Variants in ETS1 observed in about 807,000 individuals in gnomAD.
ETS1 encodes protein C-ets-1.
ETS1 carries 15 observed loss-of-function variants against 58.6 expected under a neutral mutation model. The observed-to-expected ratio is 0.26, with a 90% CI of 0.17 to 0.39. The LOEUF (loss-of-function observed/expected upper bound fraction) is 0.39. Ranked by LOEUF, ETS1 falls within the 10% of genes least tolerant of loss-of-function variation. ETS1 has a pLI of 1.00. For missense variants in ETS1, 417 were observed against 610.5 expected, an observed-to-expected ratio of 0.68 and a Z score of 3.34; for synonymous variants, 214 against 218.2, an observed-to-expected ratio of 0.98 and a Z score of 0.17.
intron 2 of ETS1, among the ~76,000 whole-genome samples, chr11:128,570,896 G>A (rs541457235): frequency 2.6e-5 from 4 of 152,254 alleles, no homozygotes; most frequent in Non-Finnish European, 5.9e-5. Context: ...GTGTAGTGGA[G>A]TGTTGGGGAG....
At chr11:128,583,063 T>C (rs1565419827) in intron 1 of ETS1, among the ~76,000 whole-genome samples, 1 of 152,222 alleles carries the variant, frequency 6.6e-6, no homozygotes, top group Non-Finnish European at 1.5e-5. Context: ...TGCAGTCTGC[T>C]GCAGTAGGTC....
rs780471796 is a variant in ETS1 at position 128,522,046 on chromosome 11, T to G, written c.215-31470A>C. The G allele has an allele frequency of 3.3e-6, 5 of 1,518,994 alleles. No homozygotes were observed. The East Asian group carries it at 1.3e-4, about 39-fold the overall frequency. 94.1% of individuals were successfully genotyped at this position (1,518,994 alleles called of 1,614,324 possible). ...ATGGTAGCAAGTTTGCAGTTACTGT[T>G]GTTTTTCTTTTTAATGAGGATTAGT... is the stretch of plus-strand genomic sequence containing the variant. On this transcript the variant is annotated intron_variant, in intron 3 of 9. Transcript: ENST00000392668.
At position 128,484,984 on chromosome 11, in the gene ETS1, G is replaced by C. The variant is rs540929701; in HGVS notation, c.701C>G (p.Pro234Arg). The change falls in exon 7 of 10, where the codon CCC (proline) becomes CGC (arginine). Residue 234 changes from proline to arginine, a missense_variant. Coordinates refer to ENST00000392668, the MANE Select transcript of ETS1 (RefSeq NM_001143820.2). ...GGAGAGGAGCTCTTCCGAGCTGATGGGATGGAGCGTCTGATAGGACTCTGT... is the reference window on the plus strand; with the variant it reads ...GGAGAGGAGCTCTTCCGAGCTGATGCGATGGAGCGTCTGATAGGACTCTGT... Reference protein sequence around the residue: ...FITESYQTLHPISSEELLSLK... With the variant: ...FITESYQTLHRISSEELLSLK... The C allele has an allele frequency of 6.2e-7, 1 of 1,614,044 alleles. No homozygotes were observed. Among genetic ancestry groups the C allele is most frequent in the South Asian group, 1.1e-5 (1 of 91,082 alleles).
chr11:128,479,591 T>C (rs1862425560), intron 8 of ETS1, among the ~76,000 whole-genome samples: 1 of 152,204 alleles, frequency 6.6e-6, no homozygotes, highest in African/African-American at 2.4e-5. Flanking sequence ...TCTTCACCCA[T>C]CACTATCATA....
chr11:128,553,667 TCTTCCC>T lies in ETS1; in HGVS notation c.214+2618_214+2623del, dbSNP rs1864267005. 3.3e-5 allele frequency among the ~76,000 whole-genome samples: 5 copies of T among 151,984 alleles called. No individual in the cohort carries two copies. In the South Asian group the frequency reaches 1.0e-3, roughly 32 times the overall value. On this transcript the variant is annotated intron_variant, in intron 3 of 9. Transcript: ENST00000392668. ...CATACTTTCTCTCTGCTTGATTCTC[TCTTCCC>T]CTTCCCTCCACACTCCCGCCACCCT...
intron 6 of ETS1, among the ~76,000 whole-genome samples, chr11:128,485,412 T>A (rs533289530): frequency 6.6e-6 from 1 of 152,274 alleles, no homozygotes; most frequent in Admixed American, 6.5e-5. Context: ...TTAATATCAT[T>A]GTGTCACTGG....
intron 2 of ETS1, among the ~76,000 whole-genome samples, chr11:128,560,083 C>T (rs528567172): frequency 1.2e-4 from 18 of 152,304 alleles, no homozygotes; most frequent in Admixed American, 1.2e-3. Flanking sequence ...GTTCAGTGCC[C>T]CCTGGCACTC....
intron 8 of ETS1, among the ~76,000 whole-genome samples, chr11:128,474,348 A>T (rs1337101121): frequency 6.6e-6 from 1 of 152,224 alleles, no homozygotes; most frequent in African/African-American, 2.4e-5. Flanking sequence ...CCATGACAGA[A>T]ATAGGCAATC....
At chr11:128,574,473 C>T (rs1321442538) in intron 1 of ETS1, among the ~76,000 whole-genome samples, 1 of 152,158 alleles carries the variant, frequency 6.6e-6, no homozygotes, top group African/African-American at 2.4e-5. Flanking sequence ...CCAGGAAGAG[C>T]TCCTCATTGG....
chr11:128,508,466 C>T (rs1181985646), intron 3 of ETS1, among the ~76,000 whole-genome samples: 1 of 152,184 alleles, frequency 6.6e-6, no homozygotes, highest in Non-Finnish European at 1.5e-5. Flanking sequence ...CCTCAAAACT[C>T]TGCTCTTTCA....
chr11:128,577,915 CAAA>C (rs543543374), intron 1 of ETS1, among the ~76,000 whole-genome samples: 3 of 133,708 alleles, frequency 2.2e-5, no homozygotes, highest in African/African-American at 2.8e-5. Context: ...GCCAAAAAGC[CAAA>C]AAAAAAAAAA....
intron 3 of ETS1, among the ~76,000 whole-genome samples, chr11:128,512,176 G>A (rs1359434818): frequency 2.0e-5 from 3 of 152,308 alleles, no homozygotes; most frequent in East Asian, 3.9e-4. Flanking sequence ...TGGGCAAGTC[G>A]TTTAATCTCA....
chr11:128,485,212 T>C, intron 6 of ETS1, 141 bp from the exon 7 acceptor site: 1 of 710,660 alleles, frequency 1.4e-6, no homozygotes, highest in East Asian at 2.8e-5. Flanking sequence ...AAAGCTTGCA[T>C]TTTTAACCTT....
At chr11:128,512,247 T>C (rs1385116154) in intron 3 of ETS1, among the ~76,000 whole-genome samples, 4 of 152,198 alleles carry the variant, frequency 2.6e-5, no homozygotes, top group Non-Finnish European at 5.9e-5. Context: ...ATAATGAGGA[T>C]ACTGGCACAA....
At chr11:128,563,097 A>G (rs537814522) in intron 2 of ETS1, among the ~76,000 whole-genome samples, 22 of 152,208 alleles carry the variant, frequency 1.4e-4, no homozygotes, top group African/African-American at 5.1e-4. Flanking sequence ...TTCAATGTCC[A>G]CATGCGATGA....
chr11:128,504,451 T>A (rs1863176998), intron 3 of ETS1, among the ~76,000 whole-genome samples: 1 of 152,252 alleles, frequency 6.6e-6, no homozygotes, highest in African/African-American at 2.4e-5. Flanking sequence ...CTTGGAGGGA[T>A]GTTCTCTTTC....
At chr11:128,467,609 C>T (rs1365698078) in intron 8 of ETS1, among the ~76,000 whole-genome samples, 2 of 152,130 alleles carry the variant, frequency 1.3e-5, no homozygotes, top group African/African-American at 2.4e-5. Context: ...GTCTCAGTGA[C>T]CTTTGTCCCC....
chr11:128,576,317 T>A (rs569592799), intron 1 of ETS1, among the ~76,000 whole-genome samples: 5 of 152,334 alleles, frequency 3.3e-5, no homozygotes, highest in African/African-American at 1.2e-4. Flanking sequence ...TCAGAAGAAG[T>A]AAATGAAGTG....
At chr11:128,472,787 A>T (rs577338387) in intron 8 of ETS1, among the ~76,000 whole-genome samples, 1 of 152,090 alleles carries the variant, frequency 6.6e-6, no homozygotes, top group African/African-American at 2.4e-5. Flanking sequence ...TTTCTACCCA[A>T]ATCTCCTCCT....
Sources: gnomAD v4.1 joint callset for allele counts (sites outside exome capture counted in the v4.1 genomes callset) on GRCh38, gnomAD v4.1.1 for gene constraint, MANE v1.5 for transcripts, NCBI Gene and HGNC (gene_info 2026-07-23, HGNC 2026-07-21) for gene names.